Variants in GABBR2 observed in about 807,000 individuals in gnomAD.
The protein encoded by GABBR2 is G-protein coupled receptor 51.
Under a neutral mutation model 105.6 loss-of-function variants are expected in GABBR2, and 23 were observed. The ratio of observed to expected loss-of-function variants is 0.22; its 90% CI spans 0.16 to 0.31. The LOEUF (loss-of-function observed/expected upper bound fraction) is 0.31. GABBR2 is among the 10% of genes least tolerant of loss of function. GABBR2 has a pLI of 1.00. For synonymous variants in GABBR2, 478 were observed against 499.7 expected, an observed-to-expected ratio of 0.96 and a Z score of 0.58; for missense variants, 734 against 1,245.5, an observed-to-expected ratio of 0.59 and a Z score of 6.18.
At chr9:98,703,821 A>G (rs1282953815) in intron 1 of GABBR2, among the ~76,000 whole-genome samples, 2 of 151,620 alleles carry the variant, frequency 1.3e-5, no homozygotes, top group Non-Finnish European at 2.9e-5. Flanking sequence ...ATAAAAATAA[A>G]TTTATTTTTT....
chr9:98,325,124 A>C (rs57039525), intron 13 of GABBR2, among the ~76,000 whole-genome samples: 15,751 of 152,024 alleles, frequency 0.1, 910 homozygotes, highest in Middle Eastern at 0.19. Context: ...TGAGACACTC[A>C]CTACCTCCTA....
In GABBR2 at chr9:98,362,817, C is replaced by A; in HGVS notation, c.1791G>T (p.Leu597=). 6.3e-7 allele frequency: 1 copy of A among 1,591,732 alleles called. No individual in the cohort carries two copies. The change falls in exon 13 of 19, where the codon CTG becomes CTT. Residue 597 remains leucine, a synonymous_variant. Transcript: ENST00000259455. ...GCAGCATGCCCCCCACGATCACAAG[C>A]AGTTTCTGGTCCTTGATGATCTACA... is the stretch of plus-strand genomic sequence containing the variant. ...MKKKIIKDQK[L]LVIVGGMLLI... is the part of the protein sequence containing the mutation.
At chr9:98,316,503 GA>G in intron 13 of GABBR2, among the ~76,000 whole-genome samples, 1 of 152,298 alleles carries the variant, frequency 6.6e-6, no homozygotes, top group Non-Finnish European at 1.5e-5. Flanking sequence ...AATTGCCTAA[GA>G]AATCATTCAT....
chr9:98,537,065 C>T (rs1828195375), intron 3 of GABBR2, among the ~76,000 whole-genome samples: 2 of 152,198 alleles, frequency 1.3e-5, no homozygotes, highest in African/African-American at 4.8e-5. Flanking sequence ...GTTCTCAACG[C>T]TGGCGACACA....
At chr9:98,663,638 C>T in intron 1 of GABBR2, among the ~76,000 whole-genome samples, 1 of 139,284 alleles carries the variant, frequency 7.2e-6, no homozygotes, top group Non-Finnish European at 1.5e-5. Context: ...GATCAGGAGG[C>T]TGAAAGCAGC....
intron 1 of GABBR2, among the ~76,000 whole-genome samples, chr9:98,652,494 A>C (rs1830121996): frequency 6.6e-6 from 1 of 152,190 alleles, no homozygotes; most frequent in Admixed American, 6.5e-5. Flanking sequence ...CACCTGGATC[A>C]GTGGTTTTAG....
chr9:98,378,377 C>T (rs946161777), intron 11 of GABBR2, among the ~76,000 whole-genome samples: 6 of 152,164 alleles, frequency 3.9e-5, no homozygotes, highest in Admixed American at 3.9e-4. Context: ...GTGATGGAAC[C>T]GCCCTGCTTC....
intron 8 of GABBR2, among the ~76,000 whole-genome samples, chr9:98,395,812 T>G (rs1177734982): frequency 7.2e-5 from 11 of 151,970 alleles, no homozygotes; most frequent in Admixed American, 7.2e-4. Context: ...GCAGTGAGTT[T>G]GAGGGCAGGG....
intron 1 of GABBR2, among the ~76,000 whole-genome samples, chr9:98,643,630 C>A (rs989243295): frequency 2.6e-5 from 4 of 152,340 alleles, no homozygotes; most frequent in South Asian, 2.1e-4. Context: ...CCTTCTTCTT[C>A]CTGGAAAGAA....
At chr9:98,623,133 A>C (rs1298266933) in intron 1 of GABBR2, among the ~76,000 whole-genome samples, 1 of 152,242 alleles carries the variant, frequency 6.6e-6, no homozygotes, top group Non-Finnish European at 1.5e-5. Flanking sequence ...TTTTTAAAAT[A>C]AAGTCTTCAG....
Position 98,360,523 on chromosome 9 carries a change from A to G in GABBR2, c.1893+2192T>C, listed in dbSNP as rs186680331. Among the ~76,000 whole-genome samples, 291 of 152,076 alleles carry G rather than the reference A, an allele frequency of 1.9e-3. 1 individual carries two copies. The highest frequency in any genetic ancestry group is 3.6e-3 in the Non-Finnish European group (242 of 67,958). ...ATCTGGGTGACCCTGGGCCCTGGAT[A>G]GCACCTTTCCAGGCTCTGTTTCCTT... On this transcript the variant is annotated intron_variant, in intron 13 of 18. Coordinates refer to ENST00000259455, the MANE Select transcript of GABBR2 (RefSeq NM_005458.8).
At chr9:98,341,649 T>A (rs1831215398) in intron 13 of GABBR2, among the ~76,000 whole-genome samples, 1 of 152,090 alleles carries the variant, frequency 6.6e-6, no homozygotes, top group South Asian at 2.1e-4. Flanking sequence ...AGGAAGGAAG[T>A]AGATACAAGT....
chr9:98,322,650 C>T (rs1434408192), intron 13 of GABBR2, among the ~76,000 whole-genome samples: 7 of 151,630 alleles, frequency 4.6e-5, no homozygotes, highest in Admixed American at 4.6e-4. Context: ...CCAGTCTCAG[C>T]CATGAGTCAG....
rs770947335 is a variant in GABBR2, at chr9:98,454,188, G to A, written c.1029C>T (p.Asn343=). 4 of 1,613,768 alleles carry A rather than the reference G, an allele frequency of 2.5e-6. No individual in the cohort carries two copies. The highest frequency in any genetic ancestry group is 3.4e-6 in the Non-Finnish European group (4 of 1,179,662). Residue 343 remains asparagine, a synonymous_variant, in exon 7 of 19, where the codon AAC becomes AAT. Coordinates refer to ENST00000259455, the MANE Select transcript of GABBR2 (RefSeq NM_005458.8). The surrounding 1 kb of genome is among the most constrained non-coding windows in gnomAD (Gnocchi z 4.6). Reference sequence around the variant, plus strand: ...TGGGCCCCACGCCTGACCGCTTGTTGTTGTACTCTCTCTCATACTGCTGTG... The same window carrying A: ...TGGGCCCCACGCCTGACCGCTTGTTATTGTACTCTCTCTCATACTGCTGTG... ...KTPQQYEREY[N]NKRSGVGPSK... is the part of the protein sequence containing the mutation.
At chr9:98,438,217 A>G (rs955627545) in intron 7 of GABBR2, among the ~76,000 whole-genome samples, 9 of 141,320 alleles carry the variant, frequency 6.4e-5, no homozygotes, top group African/African-American at 2.3e-4. Flanking sequence ...CCATCCATCC[A>G]TCTATATCTA....
At chr9:98,385,267 G>A (rs1832051400) in intron 11 of GABBR2, among the ~76,000 whole-genome samples, 1 of 152,076 alleles carries the variant, frequency 6.6e-6, no homozygotes, top group Non-Finnish European at 1.5e-5. Context: ...ACAGTGACGC[G>A]ATCACAACTC....
At chr9:98,499,441 C>A (rs1207325038) in intron 3 of GABBR2, among the ~76,000 whole-genome samples, 1 of 152,162 alleles carries the variant, frequency 6.6e-6, no homozygotes, top group Non-Finnish European at 1.5e-5. Context: ...CCAGAACAGG[C>A]CAGAACAGAT....
intron 13 of GABBR2, among the ~76,000 whole-genome samples, chr9:98,339,881 T>G (rs1420649124): frequency 6.6e-6 from 1 of 152,216 alleles, no homozygotes; most frequent in African/African-American, 2.4e-5. Flanking sequence ...TCATCATGGC[T>G]GAATAGCAAT....
intron 1 of GABBR2, among the ~76,000 whole-genome samples, chr9:98,598,725 G>A (rs1046168883): frequency 6.6e-6 from 1 of 152,052 alleles, no homozygotes; most frequent in Admixed American, 6.6e-5. Context: ...CATCTGGAAC[G>A]GGCTTCCACA....
Sources: gnomAD v4.1 joint callset for allele counts (sites outside exome capture counted in the v4.1 genomes callset) on GRCh38, gnomAD v4.1.1 for gene constraint, Gnocchi (gnomAD v3.1) non-coding constraint, MANE v1.5 for transcripts, NCBI Gene and HGNC (gene_info 2026-07-23, HGNC 2026-07-21) for gene names.